The following RB1 variants were observed in gnomAD, a reference collection of about 807,000 sequenced individuals.
The protein encoded by RB1 is RB transcriptional corepressor 1.
Under a neutral mutation model 135.4 loss-of-function variants are expected in RB1, and 18 were observed. The observed-to-expected ratio is 0.13, with a 90% CI of 0.09 to 0.20. The LOEUF (loss-of-function observed/expected upper bound fraction) is 0.20, where lower values mean the gene tolerates loss of function less well. Ranked by LOEUF, RB1 falls within the 10% of genes least tolerant of loss-of-function variation. The pLI is 1.00. For missense variants in RB1, 868 were observed against 1,110.0 expected, an observed-to-expected ratio of 0.78 and a Z score of 3.10; for synonymous variants, 365 against 373.2, an observed-to-expected ratio of 0.98 and a Z score of 0.25.
intron 13 of RB1, among the ~76,000 whole-genome samples, chr13:48,378,328 A>G (rs545945825): frequency 2.6e-5 from 4 of 152,228 alleles, no homozygotes; most frequent in South Asian, 4.1e-4. Context: ...TATAATCCTT[A>G]TTCTGTACAC....
chr13:48,458,897 AAC>A (rs1218322111), intron 19 of RB1, among the ~76,000 whole-genome samples: 1 of 152,200 alleles, frequency 6.6e-6, no homozygotes, highest in African/African-American at 2.4e-5. Context: ...ACCATTTTTC[AAC>A]AGAGTATGTT....
At chr13:48,426,959 G>C (rs1490565327) in intron 17 of RB1, 1 of 152,486 alleles carries the variant, frequency 6.6e-6, no homozygotes, top group Non-Finnish European at 1.5e-5. Context: ...AGGGGAAACA[G>C]GCATGTCACG....
In RB1 at chr13:48,314,221, A is replaced by T. The variant is rs142393457; in HGVS notation, c.264+6815A>T. 9.6e-3 allele frequency among the ~76,000 whole-genome samples: 1,457 copies of T among 152,158 alleles called. 16 individuals are homozygous for T. Among genetic ancestry groups the T allele is most frequent in the Middle Eastern group, 0.02 (6 of 294 alleles). ...GTGAATTTTTAGGATCAATTTGTCA[A>T]TTTCTGTTTTAAAAAAAGGCAGCTG... On this transcript the variant is annotated intron_variant, in intron 2 of 26. Coordinates refer to ENST00000267163, the MANE Select transcript of RB1 (RefSeq NM_000321.3).
intron 17 of RB1, among the ~76,000 whole-genome samples, chr13:48,402,342 G>A (rs986833434): frequency 3.1e-4 from 47 of 150,196 alleles, no homozygotes; most frequent in Admixed American, 3.0e-3. Context: ...GCCTGGGGAA[G>A]GGATGGAGAG....
intron 20 of RB1, among the ~76,000 whole-genome samples, chr13:48,462,136 T>G (rs1319913653): frequency 8.5e-6 from 1 of 117,690 alleles, no homozygotes; most frequent in East Asian, 2.7e-4. Context: ...CAGCCCATTT[T>G]GTTTTGAGAC....
chr13:48,321,176 A>C (rs901057001), intron 2 of RB1, among the ~76,000 whole-genome samples: 1 of 151,776 alleles, frequency 6.6e-6, no homozygotes, highest in Non-Finnish European at 1.5e-5. Context: ...ATCCGGGGGG[A>C]GGCGGCGGGC....
intron 10 of RB1, 104 bp downstream of exon 10, chr13:48,367,707 T>C (rs1349620152): frequency 7.5e-7 from 1 of 1,327,376 alleles, no homozygotes; most frequent in African/African-American, 1.5e-5. Context: ...ATATCATTTA[T>C]AACAAATTAC....
At chr13:48,450,559 C>T (rs1949320573) in intron 17 of RB1, among the ~76,000 whole-genome samples, 1 of 152,180 alleles carries the variant, frequency 6.6e-6, no homozygotes, top group Non-Finnish European at 1.5e-5. Flanking sequence ...GTTTTGGTTA[C>T]TGTAGCCTTG....
At chr13:48,384,325 G>T (rs558100878) in intron 17 of RB1, among the ~76,000 whole-genome samples, 1 of 152,144 alleles carries the variant, frequency 6.6e-6, no homozygotes, top group East Asian at 1.9e-4. Flanking sequence ...AGTGGTAGTG[G>T]ATAACTTTGT....
intron 17 of RB1, among the ~76,000 whole-genome samples, chr13:48,395,798 A>G (rs1311483105): frequency 6.6e-6 from 1 of 152,198 alleles, no homozygotes; most frequent in Admixed American, 6.5e-5. Context: ...ACCAAGTTAG[A>G]AAACACTCTA....
intron 2 of RB1, among the ~76,000 whole-genome samples, chr13:48,337,661 A>G (rs1423760547): frequency 3.3e-5 from 5 of 152,030 alleles, no homozygotes; most frequent in African/African-American, 4.8e-5. Context: ...TTTTAATTGG[A>G]GCATTTAGCC....
chr13:48,378,116 C>T (rs968861247), intron 13 of RB1, among the ~76,000 whole-genome samples: 1 of 152,142 alleles, frequency 6.6e-6, no homozygotes, highest in Non-Finnish European at 1.5e-5. Flanking sequence ...TGACTGTACA[C>T]TATCGTAGAC....
chr13:48,324,872 T>G (rs1376476065), intron 2 of RB1, among the ~76,000 whole-genome samples: 1 of 152,066 alleles, frequency 6.6e-6, no homozygotes, highest in African/African-American at 2.4e-5. Flanking sequence ...GTTTTTGTTT[T>G]TGTTTTTTTT....
intron 2 of RB1, among the ~76,000 whole-genome samples, chr13:48,314,489 A>AT (rs1365315477): frequency 3.9e-5 from 6 of 152,006 alleles, no homozygotes; most frequent in Admixed American, 1.3e-4. Flanking sequence ...AATAAAATCT[A>AT]TTTTTTTTGG....
intron 17 of RB1, among the ~76,000 whole-genome samples, chr13:48,447,763 A>G (rs1265252525): frequency 6.6e-6 from 1 of 152,082 alleles, no homozygotes; most frequent in Admixed American, 6.5e-5. Context: ...ATCATGACAT[A>G]CTCATCATCA....
chr13:48,350,382 G>T (rs1952537192), intron 6 of RB1, among the ~76,000 whole-genome samples: 1 of 151,954 alleles, frequency 6.6e-6, no homozygotes, highest in South Asian at 2.1e-4. Context: ...TTTGGAAACT[G>T]TACAGATACA....
intron 1 of RB1, among the ~76,000 whole-genome samples, chr13:48,304,871 T>C (rs774225685): frequency 1.4e-5 from 2 of 145,298 alleles, no homozygotes; most frequent in Non-Finnish European, 3.0e-5. Flanking sequence ...AGGATCTTGG[T>C]GTCCCCTCTT....
At chr13:48,436,033 C>T (rs995764228) in intron 17 of RB1, among the ~76,000 whole-genome samples, 11 of 152,012 alleles carry the variant, frequency 7.2e-5, no homozygotes, top group Admixed American at 1.3e-4. Context: ...TATAAAGACA[C>T]GAATATGTTA....
intron 17 of RB1, chr13:48,411,492 C>A: frequency 6.2e-7 from 1 of 1,612,778 alleles, no homozygotes; most frequent in Non-Finnish European, 8.5e-7. Context: ...GAAGTCACTT[C>A]TCCTGACAGA....
Sources: gnomAD v4.1 joint callset for allele counts (sites outside exome capture counted in the v4.1 genomes callset) on GRCh38, gnomAD v4.1.1 for gene constraint, MANE v1.5 for transcripts, NCBI Gene and HGNC (gene_info 2026-07-23, HGNC 2026-07-21) for gene names.